Variants in WDR17 observed in about 807,000 individuals in gnomAD.
WDR17 encodes WD repeat-containing protein 17.
In WDR17, 143 loss-of-function variants were observed where a neutral mutation model predicts 161.7. The observed-to-expected ratio is 0.88, with a 90% CI of 0.77 to 1.02. The LOEUF (loss-of-function observed/expected upper bound fraction) is 1.02, where lower values mean the gene tolerates loss of function less well. Among genes scored for constraint, WDR17 ranks in the 50% least tolerant of loss-of-function variants. WDR17 has a pLI of 0.00. For synonymous variants in WDR17, 517 were observed against 515.6 expected (o/e 1.00, Z -0.04); for missense variants, 1,469 against 1,520.9 (o/e 0.97, Z 0.57).
chr4:176,120,912 C>A (rs1741471855), intron 4 of WDR17, among the ~76,000 whole-genome samples: 1 of 151,966 alleles, frequency 6.6e-6, no homozygotes, highest in African/African-American at 2.4e-5. Context: ...TTAAATAAAT[C>A]TTTCTTCAGG....
intron 4 of WDR17, among the ~76,000 whole-genome samples, chr4:176,124,873 A>G (rs1742200293): frequency 6.6e-6 from 1 of 152,220 alleles, no homozygotes; most frequent in Admixed American, 6.5e-5. Context: ...TGGGAGACAC[A>G]TTCAAGGCAC....
chr4:176,111,492 G>T, intron 1 of WDR17, 83 bp from the exon 2 acceptor site: 2 of 1,481,534 alleles, frequency 1.3e-6, no homozygotes, highest in South Asian at 1.4e-5. Context: ...CACAGGTAAG[G>T]GTTGGGGAAG....
At chr4:176,150,937 A>C (rs767680190) in intron 16 of WDR17, among the ~76,000 whole-genome samples, 2 of 152,280 alleles carry the variant, frequency 1.3e-5, no homozygotes, top group South Asian at 4.1e-4. Flanking sequence ...GATATGTTTT[A>C]TAATAAATGA....
At chr4:176,123,807 T>C (rs1296549059) in intron 4 of WDR17, among the ~76,000 whole-genome samples, 1 of 152,198 alleles carries the variant, frequency 6.6e-6, no homozygotes, top group Non-Finnish European at 1.5e-5. Flanking sequence ...GCGATCAGCC[T>C]AACCTTCAGT....
intron 28 of WDR17, 107 bp from the exon 29 acceptor site, chr4:176,179,353 C>T: frequency 1.6e-6 from 2 of 1,222,092 alleles, no homozygotes; most frequent in Non-Finnish European, 2.1e-6. Context: ...TTAGCTTTGC[C>T]TAAATATTAT....
chr4:176,066,616 A>G (rs1189833140), intron 1 of WDR17, among the ~76,000 whole-genome samples: 1 of 152,244 alleles, frequency 6.6e-6, no homozygotes, highest in Non-Finnish European at 1.5e-5. Context: ...CTCCAAAATC[A>G]GACTTGTTTT....
chr4:176,083,375 A>G (rs1395258098), intron 1 of WDR17, among the ~76,000 whole-genome samples: 2 of 152,136 alleles, frequency 1.3e-5, no homozygotes, highest in Non-Finnish European at 2.9e-5. Context: ...TAAATAGAAC[A>G]TTATCAGCAC....
intron 1 of WDR17, among the ~76,000 whole-genome samples, chr4:176,087,108 A>G (rs1292224744): frequency 6.6e-6 from 1 of 151,914 alleles, no homozygotes; most frequent in Non-Finnish European, 1.5e-5. Context: ...TATAGTTAAT[A>G]TTTATTTATA....
chr4:176,148,596 C>A (rs1460570869), intron 13 of WDR17, among the ~76,000 whole-genome samples: 3 of 152,156 alleles, frequency 2.0e-5, no homozygotes, highest in Non-Finnish European at 2.9e-5. Context: ...GTCTGTGTTT[C>A]TGTGTACACA....
intron 1 of WDR17, among the ~76,000 whole-genome samples, chr4:176,087,171 A>G (rs1480907256): frequency 6.6e-6 from 1 of 151,864 alleles, no homozygotes; most frequent in Non-Finnish European, 1.5e-5. Flanking sequence ...TAACATTTTC[A>G]TGTTTCTTAT....
At chr4:176,149,405 G>A (rs1029354419) in intron 13 of WDR17, among the ~76,000 whole-genome samples, 8 of 151,826 alleles carry the variant, frequency 5.3e-5, no homozygotes, top group African/African-American at 1.9e-4. Flanking sequence ...AAGTAGCTGG[G>A]ACTACAATCA....
At chr4:176,147,539 A>G (rs1194299788) in intron 12 of WDR17, among the ~76,000 whole-genome samples, 5 of 152,206 alleles carry the variant, frequency 3.3e-5, no homozygotes, top group African/African-American at 1.2e-4. Context: ...AAGCATAAAT[A>G]TCCAGTGACA....
Position 176,137,202 on chromosome 4 carries a change from G to A in WDR17, c.1268-318G>A, listed in dbSNP as rs1744554302. On this transcript the variant is annotated intron_variant, in intron 8 of 28. Coordinates refer to ENST00000508596, the MANE Select transcript of WDR17 (RefSeq NM_181265.4). ...TAGTTTGGCCTTGATCAATAAAGAA[G>A]TCCCTGTCTTTTAGAGATGCATACT... is the stretch of plus-strand genomic sequence containing the variant. Among the ~76,000 whole-genome samples the A allele has an allele frequency of 2.0e-5, 3 of 151,492 alleles. No homozygotes were observed. The South Asian group carries it at 6.2e-4, about 31-fold the overall frequency.
chr4:176,118,252 T>G (rs1181720771), intron 3 of WDR17, among the ~76,000 whole-genome samples: 2 of 152,214 alleles, frequency 1.3e-5, no homozygotes, highest in Admixed American at 6.5e-5. Flanking sequence ...TATATGACAC[T>G]GTTTCTGGTC....
chr4:176,145,650 GT>G (rs1262056650), intron 11 of WDR17, among the ~76,000 whole-genome samples: 1 of 152,186 alleles, frequency 6.6e-6, no homozygotes, highest in Non-Finnish European at 1.5e-5. Context: ...AGACCTAAGT[GT>G]TGCAGAATGT....
intron 1 of WDR17, among the ~76,000 whole-genome samples, chr4:176,109,236 C>T (rs1348615973): frequency 2.0e-5 from 3 of 151,800 alleles, no homozygotes; most frequent in Non-Finnish European, 4.4e-5. Context: ...AATAGATCCC[C>T]ACATAATCTC....
intron 1 of WDR17, chr4:176,111,336 A>G: frequency 3.7e-6 from 1 of 270,444 alleles, no homozygotes; most frequent in Admixed American, 5.3e-5. Context: ...GCCAAATGTC[A>G]GCTGTCGTTC....
chr4:176,138,328 A>G (rs1401585824), intron 9 of WDR17, among the ~76,000 whole-genome samples: 2 of 151,694 alleles, frequency 1.3e-5, no homozygotes, highest in African/African-American at 2.4e-5. Context: ...GGTTTTAAAA[A>G]CATTTATACA....
intron 1 of WDR17, among the ~76,000 whole-genome samples, chr4:176,089,240 T>C (rs1316106973): frequency 6.6e-6 from 1 of 152,176 alleles, no homozygotes; most frequent in Admixed American, 6.5e-5. Flanking sequence ...TCAGGGCTTC[T>C]TTTAGTTACA....
Sources: gnomAD v4.1 joint callset for allele counts (sites outside exome capture counted in the v4.1 genomes callset) on GRCh38, gnomAD v4.1.1 for gene constraint, MANE v1.5 for transcripts, NCBI Gene and HGNC (gene_info 2026-07-23, HGNC 2026-07-21) for gene names.